Variants in CPE observed in about 807,000 individuals in gnomAD.
CPE encodes the protein carboxypeptidase E.
A neutral mutation model predicts 53.5 loss-of-function variants in CPE; 17 were observed. That is an observed-to-expected ratio of 0.32 (90% confidence interval 0.22 to 0.48). The LOEUF is 0.48. Ranked by LOEUF, CPE falls within the 20% of genes least tolerant of loss-of-function variation. The pLI, the probability that CPE is intolerant of heterozygous loss-of-function variation, is 0.99. For synonymous variants in CPE, 226 were observed against 228.8 expected (o/e 0.99, Z 0.11); for missense variants, 524 against 614.7 (o/e 0.85, Z 1.56).
In CPE at chr4:165,418,778, A is replaced by T. The variant is rs572970824; in HGVS notation, c.307+39250A>T. Among the ~76,000 whole-genome samples, 16 of 152,286 alleles carry T rather than the reference A, an allele frequency of 1.1e-4. No homozygotes were observed. The South Asian group carries it at 3.1e-3, about 30-fold the overall frequency. On this transcript the variant is annotated intron_variant, in intron 1 of 8. Transcript: ENST00000402744. ...AGGAATGTACTAAACATTTTTTTCC[A>T]TTAGAGAGTTTTTTTGGAATGGGAT...
At chr4:165,414,587 C>CT (rs113186485) in intron 1 of CPE, among the ~76,000 whole-genome samples, 85,711 of 151,486 alleles carry the variant, frequency 0.57, 24,760 homozygotes, top group African/African-American at 0.69. Flanking sequence ...TTGGCTCCAT[C>CT]TTAAAGTAGT....
At chr4:165,485,099 T>C (rs983240799) in intron 5 of CPE, among the ~76,000 whole-genome samples, 16 of 152,168 alleles carry the variant, frequency 1.1e-4, no homozygotes, top group Non-Finnish European at 1.6e-4. Context: ...TAATAATCTC[T>C]ATGAGATCAG....
At chr4:165,426,938 T>C (rs34771634) in intron 1 of CPE, among the ~76,000 whole-genome samples, 44,974 of 152,106 alleles carry the variant, frequency 0.3, 6,746 homozygotes, top group Middle Eastern at 0.39. Flanking sequence ...GCTGTTTTTA[T>C]AGTTGAATGC....
intron 2 of CPE, among the ~76,000 whole-genome samples, chr4:165,467,470 C>T (rs887846730): frequency 9.2e-5 from 14 of 152,148 alleles, no homozygotes; most frequent in Non-Finnish European, 4.4e-5. Context: ...GTCTGTCAGT[C>T]GTGGTAAGAA....
intron 1 of CPE, chr4:165,404,863 G>A (rs1730927502): frequency 5.2e-6 from 4 of 764,036 alleles, no homozygotes; most frequent in Admixed American, 1.7e-5. Flanking sequence ...GAGAGAAGTA[G>A]TGCCTGCCAA....
chr4:165,464,163 A>G (rs911514997), intron 1 of CPE, among the ~76,000 whole-genome samples: 1 of 152,210 alleles, frequency 6.6e-6, no homozygotes, highest in Non-Finnish European at 1.5e-5. Context: ...GACCTTCAAC[A>G]TACTAATTTT....
At chr4:165,494,186 A>T (rs1238128553) in intron 7 of CPE, among the ~76,000 whole-genome samples, 1 of 152,220 alleles carries the variant, frequency 6.6e-6, no homozygotes, top group Non-Finnish European at 1.5e-5. Flanking sequence ...CCAAGATGTC[A>T]GCCCATGTAG....
rs1417628864 is a variant in CPE at position 165,442,026 on chromosome 4, TTTTTTTTTTGTTTTTTTTTTG to T, written c.308-22354_308-22334del. Reference sequence around the variant, plus strand: ...CCTACAGCAAGACGGTGAGTTTGTTTTTTTTTTTTGTTTTTTTTTTGTTTTTTTTTTTTTGAGACAGGGTCT... The same window carrying T: ...CCTACAGCAAGACGGTGAGTTTGTTTTTTTTTTTTTTTTGAGACAGGGTCT... On this transcript the variant is annotated intron_variant, in intron 1 of 8. Transcript: ENST00000402744. Among the ~76,000 whole-genome samples, 14 of 102,522 alleles carry T rather than the reference TTTTTTTTTTGTTTTTTTTTTG, an allele frequency of 1.4e-4. 1 individual carries two copies. The highest frequency in any genetic ancestry group is 6.1e-4 in the African/African-American group (13 of 21,270). The allele number at this position is 102,522 out of a possible 152,430, so 67.3% of individuals were successfully genotyped here.
At chr4:165,397,923 A>G (rs1362461672) in intron 1 of CPE, among the ~76,000 whole-genome samples, 1 of 151,716 alleles carries the variant, frequency 6.6e-6, no homozygotes, top group Non-Finnish European at 1.5e-5. Flanking sequence ...ATTGTGGTAC[A>G]TGCCTATAGT....
chr4:165,380,170 T>C (rs958602479), intron 1 of CPE, among the ~76,000 whole-genome samples: 5 of 152,110 alleles, frequency 3.3e-5, no homozygotes, highest in Non-Finnish European at 7.4e-5. Context: ...TCTGGGGTGG[T>C]GGTGTATAAA....
At chr4:165,402,999 T>A (rs1247032245) in intron 1 of CPE, among the ~76,000 whole-genome samples, 2 of 152,214 alleles carry the variant, frequency 1.3e-5, no homozygotes, top group African/African-American at 4.8e-5. Flanking sequence ...AGACTCTTCT[T>A]CTGTTTTTCT....
chr4:165,397,863 A>G (rs1730793978), intron 1 of CPE, among the ~76,000 whole-genome samples: 1 of 151,766 alleles, frequency 6.6e-6, no homozygotes, highest in South Asian at 2.1e-4. Flanking sequence ...TGACATAGCA[A>G]GACCGTGTCT....
intron 3 of CPE, among the ~76,000 whole-genome samples, chr4:165,472,417 C>A (rs1732224616): frequency 6.8e-6 from 1 of 147,812 alleles, no homozygotes. Context: ...ACACAGTTGC[C>A]AAGAAAATTT....
intron 1 of CPE, among the ~76,000 whole-genome samples, chr4:165,448,663 C>T (rs1016084495): frequency 3.3e-5 from 5 of 152,020 alleles, no homozygotes; most frequent in African/African-American, 7.3e-5. Context: ...TTTATCATTG[C>T]GAGCATTGTC....
At position 165,379,697 on chromosome 4, in the gene CPE, G is replaced by T. The variant is rs1730471552; in HGVS notation, c.307+169G>T. ...TGGAGGGAGGGATGGAAATGGGGAA[G>T]AACCCGACTTAGAGCGCCAGTGGCC... On this transcript the variant is annotated intron_variant, in intron 1 of 8. Coordinates refer to ENST00000402744, the MANE Select transcript of CPE (RefSeq NM_001873.4). The surrounding 1 kb of genome is among the most constrained non-coding windows in gnomAD (Gnocchi z 6.0). Among the ~76,000 whole-genome samples, 1 of 152,118 alleles carries T rather than the reference G, an allele frequency of 6.6e-6. No homozygotes were observed. Among genetic ancestry groups the T allele is most frequent in the Non-Finnish European group, 1.5e-5 (1 of 68,004 alleles).
At chr4:165,467,365 G>A (rs1369979976) in intron 2 of CPE, among the ~76,000 whole-genome samples, 7 of 152,070 alleles carry the variant, frequency 4.6e-5, no homozygotes, top group African/African-American at 1.7e-4. Flanking sequence ...CACACATATC[G>A]GCCTAGGCCT....
chr4:165,497,977 A>G lies in CPE; in HGVS notation c.*367A>G, dbSNP rs754549456. 2.0e-5 allele frequency: 3 copies of G among 153,608 alleles called. No individual in the cohort carries two copies. Among genetic ancestry groups the G allele is most frequent in the Non-Finnish European group, 4.4e-5 (3 of 68,964 alleles). The allele number at this position is 153,608 out of a possible 1,614,324, so 9.5% of individuals were successfully genotyped here. ...AGTTCTTTTACTGTAATTGGTGACA[A>G]TGTCACATAATGAATGCTATTGAAA... On this transcript the variant is annotated 3_prime_UTR_variant, in exon 9 of 9. Transcript: ENST00000402744.
intron 3 of CPE, among the ~76,000 whole-genome samples, chr4:165,481,557 C>A (rs183299478): frequency 1.3e-5 from 2 of 152,310 alleles, no homozygotes; most frequent in Non-Finnish European, 1.5e-5. Context: ...CACATTATTT[C>A]TTTGGTATAC....
At chr4:165,429,968 A>G (rs1432019319) in intron 1 of CPE, among the ~76,000 whole-genome samples, 3 of 152,150 alleles carry the variant, frequency 2.0e-5, no homozygotes, top group Non-Finnish European at 2.9e-5. Context: ...AGCCCTAATC[A>G]TGTTGGGAGA....
Sources: allele counts gnomAD v4.1 joint callset (sites outside exome capture counted in the v4.1 genomes callset), GRCh38; gene constraint gnomAD v4.1.1; non-coding constraint Gnocchi (gnomAD v3.1); transcripts MANE v1.5; gene names NCBI Gene and HGNC (gene_info 2026-07-23, HGNC 2026-07-21).